Variants in DIPK1A observed in about 807,000 individuals in gnomAD.
DIPK1A encodes the protein divergent protein kinase domain 1A.
A neutral mutation model predicts 40.8 loss-of-function variants in DIPK1A; 27 were observed. That is an observed-to-expected ratio of 0.66 (90% CI 0.49 to 0.91). The LOEUF (loss-of-function observed/expected upper bound fraction) is 0.91. Ranked by LOEUF, DIPK1A falls within the 40% of genes least tolerant of loss-of-function variation. DIPK1A has a pLI of 0.00. For synonymous variants in DIPK1A, 166 were observed against 171.3 expected, an observed-to-expected ratio of 0.97 and a Z score of 0.24; for missense variants, 412 against 505.7, an observed-to-expected ratio of 0.81 and a Z score of 1.78.
chr1:92,844,660 C>T (rs1202491555), intron 4 of DIPK1A, among the ~76,000 whole-genome samples: 1 of 152,020 alleles, frequency 6.6e-6, no homozygotes, highest in African/African-American at 2.4e-5. Context: ...AACTCCTGGG[C>T]TCAGGTGATC....
At chr1:92,858,176 A>G (rs751648717) in intron 2 of DIPK1A, among the ~76,000 whole-genome samples, 5 of 152,156 alleles carry the variant, frequency 3.3e-5, no homozygotes, top group Non-Finnish European at 4.4e-5. Context: ...ATATCCTTCC[A>G]CTGTCCTGAT....
chr1:92,923,583 T>C (rs1175592690), intron 1 of DIPK1A, among the ~76,000 whole-genome samples: 1 of 152,210 alleles, frequency 6.6e-6, no homozygotes, highest in African/African-American at 2.4e-5. Flanking sequence ...CATAATGATG[T>C]TCCCTTTGTT....
chr1:92,847,500 C>G (rs1687679878), intron 3 of DIPK1A, 141 bp from the exon 4 acceptor site: 1 of 464,084 alleles, frequency 2.2e-6, no homozygotes, highest in African/African-American at 2.0e-5. Context: ...GACTTTATTT[C>G]TGAACTGCAA....
At chr1:92,892,103 G>A (rs944936111) in intron 1 of DIPK1A, among the ~76,000 whole-genome samples, 4 of 152,084 alleles carry the variant, frequency 2.6e-5, no homozygotes, top group Non-Finnish European at 5.9e-5. Flanking sequence ...CAAACAAAAG[G>A]CAGCAGAAAC....
intron 4 of DIPK1A, among the ~76,000 whole-genome samples, chr1:92,844,515 AACC>A (rs1184747386): frequency 1.3e-5 from 2 of 152,156 alleles, no homozygotes; most frequent in African/African-American, 2.4e-5. Flanking sequence ...TACATTAAAA[AACC>A]ACCGCCTCAT....
chr1:92,877,384 G>A (rs1394412925), intron 1 of DIPK1A, among the ~76,000 whole-genome samples: 2 of 152,210 alleles, frequency 1.3e-5, no homozygotes, highest in Non-Finnish European at 2.9e-5. Context: ...ACAATGAAAA[G>A]CTAGTTTTGC....
chr1:92,844,967 C>T (rs1326681420), intron 4 of DIPK1A, among the ~76,000 whole-genome samples: 5 of 101,274 alleles, frequency 4.9e-5, no homozygotes, highest in Admixed American at 4.5e-4. Context: ...TTTTTTGAGA[C>T]GGAGTCTCGC....
chr1:92,882,265 G>A (rs1278175348), intron 1 of DIPK1A, among the ~76,000 whole-genome samples: 4 of 152,344 alleles, frequency 2.6e-5, no homozygotes, highest in Non-Finnish European at 5.9e-5. Context: ...GCATGCGCCT[G>A]TAATCCCAGC....
chr1:92,920,230 G>A (rs1650218828), intron 1 of DIPK1A, among the ~76,000 whole-genome samples: 1 of 152,208 alleles, frequency 6.6e-6, no homozygotes, highest in South Asian at 2.1e-4. Flanking sequence ...TGTCAAGGGC[G>A]TGGCCAGTGG....
chr1:92,929,727 A>T (rs1650669863), intron 1 of DIPK1A, among the ~76,000 whole-genome samples: 1 of 152,224 alleles, frequency 6.6e-6, no homozygotes, highest in Non-Finnish European at 1.5e-5. Context: ...GTGGGAGGTT[A>T]GTGTGAGTAA....
chr1:92,850,202 G>C (rs987409061), intron 3 of DIPK1A, among the ~76,000 whole-genome samples: 1 of 151,524 alleles, frequency 6.6e-6, no homozygotes, highest in Non-Finnish European at 1.5e-5. Flanking sequence ...ACTCCTGGGC[G>C]CAAGTGGTCC....
chr1:92,959,518 C>T (rs1651977326), intron 1 of DIPK1A, among the ~76,000 whole-genome samples: 1 of 141,182 alleles, frequency 7.1e-6, no homozygotes. Flanking sequence ...GTGGCACGAT[C>T]ACGGCTCACC....
rs1043568283 is a variant in DIPK1A at position 92,836,387 on chromosome 1, T to C, written c.475-3353A>G. On this transcript the variant is annotated intron_variant, in intron 4 of 4. Coordinates refer to the DIPK1A transcript ENST00000615519. ...CTGTGGATGGAGGCTTGTCTATCCC[T>C]CACAGGTAAGAATACTATTTAAGAC... is the stretch of plus-strand genomic sequence containing the variant. 1.2e-6 allele frequency: 2 copies of C among 1,613,794 alleles called. No individual in the cohort carries two copies. The highest frequency in any genetic ancestry group is 1.7e-6 in the Non-Finnish European group (2 of 1,179,648).
At chr1:92,948,472 C>T (rs1209926442) in intron 1 of DIPK1A, among the ~76,000 whole-genome samples, 2 of 151,450 alleles carry the variant, frequency 1.3e-5, no homozygotes, top group East Asian at 1.9e-4. Context: ...AAAATAGAGA[C>T]GGGTTCTCAT....
chr1:92,925,001 G>A (rs1018322446), intron 1 of DIPK1A, among the ~76,000 whole-genome samples: 39 of 152,258 alleles, frequency 2.6e-4, no homozygotes, highest in African/African-American at 9.1e-4. Flanking sequence ...CAGTTTGCTG[G>A]ATTTTATTTA....
chr1:92,871,152 C>T (rs1390660554), intron 2 of DIPK1A, among the ~76,000 whole-genome samples: 1 of 151,886 alleles, frequency 6.6e-6, no homozygotes, highest in African/African-American at 2.4e-5. Flanking sequence ...ACTGACTATT[C>T]TTTTATTCTT....
chr1:92,933,896 C>G (rs576775402), intron 1 of DIPK1A: 1 of 152,120 alleles, frequency 6.6e-6, no homozygotes, highest in Non-Finnish European at 1.5e-5. Context: ...GAAGATTAAT[C>G]TGGATGTTAG....
At chr1:92,833,831 T>C in intron 4 of DIPK1A, 1 of 620,384 alleles carries the variant, frequency 1.6e-6, no homozygotes, top group East Asian at 2.8e-5. Context: ...CTTGGTACTT[T>C]AAAAAATGCT....
intron 1 of DIPK1A, among the ~76,000 whole-genome samples, chr1:92,902,064 A>G (rs1175521531): frequency 2.6e-5 from 4 of 152,024 alleles, no homozygotes; most frequent in African/African-American, 9.7e-5. Context: ...CAGTGTGTGA[A>G]TGTTCTTGGA....
Sources: gnomAD v4.1 joint callset for allele counts (sites outside exome capture counted in the v4.1 genomes callset) on GRCh38, gnomAD v4.1.1 for gene constraint, MANE v1.5 for transcripts, NCBI Gene and HGNC (gene_info 2026-07-23, HGNC 2026-07-21) for gene names.